Variants in PLAAT5 observed in about 807,000 individuals in gnomAD.
PLAAT5 encodes the protein Ca(2+)-independent N-acyltransferase.
In PLAAT5, 27 loss-of-function variants were observed where a neutral mutation model predicts 27.8. The observed-to-expected ratio is 0.97, with a 90% CI of 0.72 to 1.34. PLAAT5 has a LOEUF of 1.34. Ranked by LOEUF, PLAAT5 falls within the 40% of genes most tolerant of loss-of-function variation. The pLI, the probability that PLAAT5 is intolerant of heterozygous loss-of-function variation, is 0.00. For synonymous variants in PLAAT5, 125 were observed against 136.1 expected (o/e 0.92, Z 0.57); for missense variants, 368 against 343.8 (o/e 1.07, Z -0.56).
At position 63,461,878 on chromosome 11, in the gene PLAAT5, A is replaced by G. The variant is rs1431692985; in HGVS notation, c.*1625T>C. The G allele has an allele frequency of 6.6e-6, 1 of 152,246 alleles. No individual in the cohort carries two copies. Among genetic ancestry groups the G allele is most frequent in the Non-Finnish European group, 1.5e-5 (1 of 68,062 alleles). 9.4% of individuals were successfully genotyped at this position (152,246 alleles called of 1,614,324 possible). A position where few individuals can be genotyped will look rare whatever the true frequency, so the allele number is the denominator to read the frequency against. ...AGACACTCAAAAATATTTTTTGGACAAACAAGTGAATGTGAGCCCTGAAAC... is the reference window on the plus strand; with the variant it reads ...AGACACTCAAAAATATTTTTTGGACGAACAAGTGAATGTGAGCCCTGAAAC... On this transcript the variant is annotated 3_prime_UTR_variant, in exon 6 of 6. Coordinates refer to ENST00000540857, the MANE Select transcript of PLAAT5 (RefSeq NM_001146729.2).
chr11:63,490,448 G>T, intron 1 of PLAAT5, 115 bp from the exon 2 acceptor site: 1 of 1,547,254 alleles, frequency 6.5e-7, no homozygotes, highest in East Asian at 2.3e-5. Flanking sequence ...CCTGGCCCCT[G>T]GTTAGGCCTC....
intron 3 of PLAAT5, among the ~76,000 whole-genome samples, chr11:63,482,076 AT>A (rs2120311029): frequency 6.6e-6 from 1 of 152,348 alleles, no homozygotes; most frequent in Admixed American, 6.5e-5. Flanking sequence ...AAAGAAAAAA[AT>A]AATCAAAAGT....
In PLAAT5 at chr11:63,468,472, T is replaced by G. The variant is rs1187470212; in HGVS notation, c.346-7A>C. ...GTCTGGGTCTTGGTTTTCCCTATAATGGAAAAATAAAAGATAAATGGCACA... is the reference window on the plus strand; with the variant it reads ...GTCTGGGTCTTGGTTTTCCCTATAAGGGAAAAATAAAAGATAAATGGCACA... On this transcript the variant is annotated splice_region_variant and splice_polypyrimidine_tract_variant and intron_variant, in intron 3 of 5. Coordinates refer to ENST00000540857, the MANE Select transcript of PLAAT5 (RefSeq NM_001146729.2). 1 of 1,605,374 alleles carries G rather than the reference T, an allele frequency of 6.2e-7. No individual in the cohort carries two copies. The highest frequency in any genetic ancestry group is 1.3e-5 in the African/African-American group (1 of 74,608).
intron 1 of PLAAT5, 35 bp from the exon 2 acceptor site, chr11:63,490,368 G>C: frequency 6.2e-7 from 1 of 1,613,988 alleles, no homozygotes; most frequent in Non-Finnish European, 8.5e-7. Flanking sequence ...TTAGACCTGT[G>C]AAAGGAGAGT....
intron 5 of PLAAT5, among the ~76,000 whole-genome samples, chr11:63,465,371 AGTGTGTGTGTGTGTGTGT>A (rs58014474): frequency 8.9e-5 from 13 of 145,276 alleles, no homozygotes; most frequent in Middle Eastern, 3.3e-3. Context: ...TCAAACAAAA[AGTGTGTGTGTGTGTGTGT>A]GTGTGTGTGT....
At position 63,463,181 on chromosome 11, in the gene PLAAT5, G is replaced by A. The variant is rs923053625; in HGVS notation, c.*322C>T. 24 of 262,114 alleles carry A rather than the reference G, an allele frequency of 9.2e-5. No individual in the cohort carries two copies. The highest frequency in any genetic ancestry group is 3.3e-4 in the African/African-American group (15 of 45,442). 16.2% of individuals were successfully genotyped at this position (262,114 alleles called of 1,614,324 possible). ...ATGTTTCTGATGGCACTCAAGCATC[G>A]GAGACCAAGGTCAGCCTAAGACACA... On this transcript the variant is annotated 3_prime_UTR_variant, in exon 6 of 6. Coordinates refer to ENST00000540857, the MANE Select transcript of PLAAT5 (RefSeq NM_001146729.2).
chr11:63,467,319 C>CTTAG (rs1380644726), intron 4 of PLAAT5, among the ~76,000 whole-genome samples: 1 of 152,074 alleles, frequency 6.6e-6, no homozygotes, highest in Non-Finnish European at 1.5e-5. Context: ...AAGAGGGAAA[C>CTTAG]TCCTGGACTT....
Position 63,490,988 on chromosome 11 carries a change from G to A in PLAAT5, c.47C>T (p.Pro16Leu), listed in dbSNP as rs1170826651. ...TTTGGGGAGGGGTGGGGGAATCCTAGGGAGGCGGAGCGCGTACTCCCCCTC... is the reference window on the plus strand; with the variant it reads ...TTTGGGGAGGGGTGGGGGAATCCTAAGGAGGCGGAGCGCGTACTCCCCCTC... ...GAEGEYALRL[P>L]RIPPPLPKPA... Residue 16 changes from proline to leucine, a missense_variant, in exon 1 of 6, where the codon CCT becomes CTT. Coordinates refer to ENST00000540857, the MANE Select transcript of PLAAT5 (RefSeq NM_001146729.2). 6.4e-7 allele frequency: 1 copy of A among 1,560,504 alleles called. No homozygotes were observed. The highest frequency in any genetic ancestry group is 8.7e-7 in the Non-Finnish European group (1 of 1,154,074).
At chr11:63,465,178 C>T (rs1477465558) in intron 5 of PLAAT5, among the ~76,000 whole-genome samples, 1 of 151,994 alleles carries the variant, frequency 6.6e-6, no homozygotes, top group African/African-American at 2.4e-5. Context: ...ACTTGGGAGA[C>T]TGAGGCAGGA....
chr11:63,479,032 A>C lies in PLAAT5; in HGVS notation c.345+9839T>G, dbSNP rs115460210. ...ACCAGGCTTCTCACCCAGAAAGCAGAATGATATTGCAGGAGACTTCAAACT... is the reference window on the plus strand; with the variant it reads ...ACCAGGCTTCTCACCCAGAAAGCAGCATGATATTGCAGGAGACTTCAAACT... On this transcript the variant is annotated intron_variant, in intron 3 of 5. Transcript: ENST00000540857. Among the ~76,000 whole-genome samples, 652 of 152,310 alleles carry C rather than the reference A, an allele frequency of 4.3e-3. 6 individuals are homozygous for C. The highest frequency in any genetic ancestry group is 0.015 in the African/African-American group (628 of 41,568).
chr11:63,475,626 T>C (rs1346021673), intron 3 of PLAAT5, among the ~76,000 whole-genome samples: 1 of 152,082 alleles, frequency 6.6e-6, no homozygotes, highest in Non-Finnish European at 1.5e-5. Flanking sequence ...ATTAATAAAG[T>C]TGGATTTATG....
intron 5 of PLAAT5, among the ~76,000 whole-genome samples, chr11:63,464,628 T>C (rs754705594): frequency 4.6e-5 from 7 of 151,466 alleles, no homozygotes; most frequent in Non-Finnish European, 7.4e-5. Flanking sequence ...CGCACTCCAG[T>C]CTGGGTGACA....
intron 3 of PLAAT5, among the ~76,000 whole-genome samples, chr11:63,476,807 A>G (rs1303625427): frequency 1.3e-5 from 2 of 152,090 alleles, no homozygotes; most frequent in Admixed American, 6.5e-5. Context: ...TGGGACCCCA[A>G]TTATACATTT....
intron 3 of PLAAT5, among the ~76,000 whole-genome samples, chr11:63,471,799 C>T (rs1428021915): frequency 6.6e-6 from 1 of 152,024 alleles, no homozygotes; most frequent in Non-Finnish European, 1.5e-5. Context: ...ATTTTTTAAA[C>T]AAAATTGTTT....
In PLAAT5 at chr11:63,490,917, C is replaced by T. The variant is rs2016550594; in HGVS notation, c.118G>A (p.Ala40Thr). The T allele has an allele frequency of 2.5e-6, 4 of 1,603,646 alleles. No individual in the cohort carries two copies. The highest frequency in any genetic ancestry group is 3.4e-6 in the Non-Finnish European group (4 of 1,175,478). ...ASTGPKDQPPALRRSAVPHSE... is the reference protein window; with the variant it reads ...ASTGPKDQPPTLRRSAVPHSE... Reference sequence around the variant, plus strand: ...TGGGGCACAGCTGAACGTCTGAGCGCAGGCGGCTGGTCCTTGGGCCCGGTA... The same window carrying T: ...TGGGGCACAGCTGAACGTCTGAGCGTAGGCGGCTGGTCCTTGGGCCCGGTA... The change falls in exon 1 of 6, where the codon GCG becomes ACG. Residue 40 changes from alanine (A) to threonine (T), a missense_variant. By Grantham distance (58) the Ala-to-Thr change is moderately conservative (BLOSUM62 0). Coordinates refer to ENST00000540857, the MANE Select transcript of PLAAT5 (RefSeq NM_001146729.2).
intron 3 of PLAAT5, among the ~76,000 whole-genome samples, chr11:63,480,959 C>T (rs1366644800): frequency 6.6e-6 from 1 of 152,172 alleles, no homozygotes; most frequent in Non-Finnish European, 1.5e-5. Context: ...TTTATTAATA[C>T]TTGTTCAGTT....
At chr11:63,490,775 A>C (rs2016545543) in intron 1 of PLAAT5, 112 bp downstream of exon 1, 1 of 1,025,534 alleles carries the variant, frequency 9.8e-7, no homozygotes, top group South Asian at 1.7e-5. Flanking sequence ...ATGATGGCTA[A>C]CAGACAACAC....
At chr11:63,472,751 C>A (rs965685494) in intron 3 of PLAAT5, among the ~76,000 whole-genome samples, 3 of 151,950 alleles carry the variant, frequency 2.0e-5, no homozygotes, top group Admixed American at 2.0e-4. Context: ...TAAAGAAATT[C>A]CATTGATTTT....
chr11:63,490,343 G>C lies in PLAAT5; in HGVS notation c.149-10C>G. On this transcript the variant is annotated splice_polypyrimidine_tract_variant and intron_variant, in intron 1 of 5. Transcript: ENST00000540857. ...AATCCCACGGATTCTTCTAATTCAAGGGGGGAAATGCTATTTAGACCTGTG... is the reference window on the plus strand; with the variant it reads ...AATCCCACGGATTCTTCTAATTCAACGGGGGAAATGCTATTTAGACCTGTG... The C allele has an allele frequency of 1.2e-6, 2 of 1,614,044 alleles. No homozygotes were observed. Among genetic ancestry groups the C allele is most frequent in the Non-Finnish European group, 1.7e-6 (2 of 1,179,958 alleles).
Sources: allele counts gnomAD v4.1 joint callset (sites outside exome capture counted in the v4.1 genomes callset), GRCh38; gene constraint gnomAD v4.1.1; transcripts MANE v1.5; gene names NCBI Gene and HGNC (gene_info 2026-07-23, HGNC 2026-07-21).